Variants in LEF1 observed in about 807,000 individuals in gnomAD.
LEF1 encodes the protein lymphoid enhancer-binding factor 1.
LEF1 carries 14 observed loss-of-function variants against 51.2 expected under a neutral mutation model. That is an observed-to-expected ratio of 0.27 (90% CI 0.18 to 0.43). The LOEUF (loss-of-function observed/expected upper bound fraction) is 0.43. Ranked by LOEUF, LEF1 falls within the 20% of genes least tolerant of loss-of-function variation. The probability of loss-of-function intolerance (pLI) is 1.00; values close to 1 mark genes in which losing one functional copy is unlikely to be tolerated. For synonymous variants in LEF1, 185 were observed against 183.2 expected, an observed-to-expected ratio of 1.01 and a Z score of -0.08; for missense variants, 386 against 512.0, an observed-to-expected ratio of 0.75 and a Z score of 2.37.
chr4:108,051,737 C>T (rs1351808650), intron 11 of LEF1, among the ~76,000 whole-genome samples: 1 of 152,124 alleles, frequency 6.6e-6, no homozygotes, highest in Non-Finnish European at 1.5e-5. Flanking sequence ...CCCATATAAC[C>T]GAACCCCCCT....
At chr4:108,057,582 T>C (rs1411860112) in intron 11 of LEF1, among the ~76,000 whole-genome samples, 3 of 152,170 alleles carry the variant, frequency 2.0e-5, no homozygotes, top group African/African-American at 7.2e-5. Flanking sequence ...GTTGCAGTCC[T>C]CTCACTGGTG....
intron 6 of LEF1, among the ~76,000 whole-genome samples, 183 bp from the exon 7 acceptor site, chr4:108,079,797 G>GA (rs560790513): frequency 1.2e-4 from 18 of 146,502 alleles, no homozygotes; most frequent in Admixed American, 2.7e-4. Context: ...TATTCGGGTG[G>GA]AAAAAAAAAA....
At chr4:108,068,297 CAAA>C (rs1309296620) in intron 9 of LEF1, among the ~76,000 whole-genome samples, 1 of 151,638 alleles carries the variant, frequency 6.6e-6, no homozygotes, top group Non-Finnish European at 1.5e-5. Context: ...CAAAACAAAA[CAAA>C]AAGAAGGTAC....
intron 3 of LEF1, among the ~76,000 whole-genome samples, chr4:108,159,183 A>AT: frequency 6.6e-6 from 1 of 152,190 alleles, no homozygotes; most frequent in Non-Finnish European, 1.5e-5. Flanking sequence ...TGATGGGGGA[A>AT]TGGCAAGCGC....
At chr4:108,074,137 T>C (rs974579511) in intron 8 of LEF1, among the ~76,000 whole-genome samples, 10 of 152,186 alleles carry the variant, frequency 6.6e-5, no homozygotes, top group African/African-American at 2.2e-4. Context: ...AAGTTTTGCA[T>C]TGAAAACAAA....
At chr4:108,139,686 C>T (rs925099371) in intron 3 of LEF1, among the ~76,000 whole-genome samples, 1 of 152,132 alleles carries the variant, frequency 6.6e-6, no homozygotes, top group South Asian at 2.1e-4. Flanking sequence ...TGTGAGAGAC[C>T]TTTAGGGACG....
chr4:108,126,593 A>T (rs1188153151), intron 3 of LEF1, among the ~76,000 whole-genome samples: 1 of 152,006 alleles, frequency 6.6e-6, no homozygotes, highest in African/African-American at 2.4e-5. Context: ...ACTTGAGGAC[A>T]GGAGTTCGAG....
chr4:108,119,612 G>C (rs1442611374), intron 3 of LEF1, among the ~76,000 whole-genome samples: 1 of 152,142 alleles, frequency 6.6e-6, no homozygotes, highest in Non-Finnish European at 1.5e-5. Flanking sequence ...CCAGTTTCAG[G>C]ATGTGGCCTG....
intron 11 of LEF1, among the ~76,000 whole-genome samples, chr4:108,053,844 G>C (rs1737159814): frequency 6.6e-6 from 1 of 152,198 alleles, no homozygotes. Context: ...CAGCTGAAGT[G>C]CTTCCAGAGG....
At chr4:108,087,407 G>C (rs552550069) in intron 4 of LEF1, among the ~76,000 whole-genome samples, 107 of 151,880 alleles carry the variant, frequency 7.0e-4, no homozygotes, top group African/African-American at 2.6e-3. Flanking sequence ...GTCCCTTCTC[G>C]GTAGTTTTGG....
intron 2 of LEF1, among the ~76,000 whole-genome samples, chr4:108,163,945 T>C (rs72660443): frequency 0.016 from 2,465 of 152,336 alleles, 23 homozygotes; most frequent in African/African-American, 0.032. Context: ...CACTACTGAC[T>C]GATGTTTTTA....
chr4:108,142,677 A>T (rs1743744006), intron 3 of LEF1, among the ~76,000 whole-genome samples: 1 of 152,190 alleles, frequency 6.6e-6, no homozygotes, highest in Non-Finnish European at 1.5e-5. Context: ...AGTGTTACAT[A>T]TGTCCAGTAA....
In LEF1 at chr4:108,167,854, G is replaced by T; in HGVS notation, c.-87C>A. 1 of 1,220,636 alleles carries T rather than the reference G, an allele frequency of 8.2e-7. No individual in the cohort carries two copies. 75.6% of individuals were successfully genotyped at this position (1,220,636 alleles called of 1,614,324 possible). On this transcript the variant is annotated 5_prime_UTR_variant, in exon 1 of 12. Transcript: ENST00000265165. This position sits in a 1 kb window ranked among gnomAD's most constrained non-coding sequence, Gnocchi z 5.7. The stretch of plus-strand genomic sequence containing the variant: ...GAGGGGTAACTCAAGGGTGGGGGAG[G>T]AAAGGAGAGTTGGAAGGGTTCGTGC...
At position 108,083,230 on chromosome 4, in the gene LEF1, T is replaced by C. The variant is rs182748910; in HGVS notation, c.638+126A>G. 376 of 730,340 alleles carry C rather than the reference T, an allele frequency of 5.1e-4. 1 individual carries two copies. In the African/African-American group the frequency reaches 5.6e-3, roughly 11 times the overall value. 45.2% of individuals were successfully genotyped at this position (730,340 alleles called of 1,614,324 possible). On this transcript the variant is annotated intron_variant, in intron 5 of 11. Coordinates refer to ENST00000265165, the MANE Select transcript of LEF1 (RefSeq NM_016269.5). ...AATTGAAATGAATAAAGTTAGCACC[T>C]TGCTTGTTGATGTGAAATTTCTTCA... is the stretch of plus-strand genomic sequence containing the variant.
chr4:108,149,964 A>G (rs993614518), intron 3 of LEF1, among the ~76,000 whole-genome samples: 2 of 152,006 alleles, frequency 1.3e-5, no homozygotes, highest in African/African-American at 4.8e-5. Context: ...ACCAAAAAAA[A>G]AAAAAGATAT....
At chr4:108,156,733 A>G (rs920301797) in intron 3 of LEF1, among the ~76,000 whole-genome samples, 7 of 152,152 alleles carry the variant, frequency 4.6e-5, no homozygotes, top group East Asian at 1.9e-4. Flanking sequence ...GGTTTCCAGG[A>G]TTAAAAAAGA....
intron 11 of LEF1, among the ~76,000 whole-genome samples, chr4:108,061,074 C>T (rs1278552893): frequency 1.3e-5 from 2 of 152,148 alleles, no homozygotes; most frequent in African/African-American, 4.8e-5. Context: ...GGTCTCCAAA[C>T]TCGGATGGTG....
At chr4:108,091,868 T>C (rs1193710740) in intron 3 of LEF1, among the ~76,000 whole-genome samples, 4 of 152,196 alleles carry the variant, frequency 2.6e-5, no homozygotes, top group African/African-American at 9.6e-5. Flanking sequence ...AATCGATAGA[T>C]TTCAAATATA....
Position 108,048,047 on chromosome 4 carries a change from G to C in LEF1, c.*711C>G, listed in dbSNP as rs1473646870. 1 of 152,508 alleles carries C rather than the reference G, an allele frequency of 6.6e-6. No individual in the cohort carries two copies. The highest frequency in any genetic ancestry group is 1.5e-5 in the Non-Finnish European group (1 of 68,034). The allele number at this position is 152,508 out of a possible 1,614,324, so 9.4% of individuals were successfully genotyped here. A position where few individuals can be genotyped will look rare whatever the true frequency, so the allele number is the denominator to read the frequency against. On this transcript the variant is annotated 3_prime_UTR_variant, in exon 12 of 12. Coordinates refer to ENST00000265165, the MANE Select transcript of LEF1 (RefSeq NM_016269.5). ...CACAGAGAAGCCACTTACCAGACAA[G>C]CTGTCTCAGAAAAAGAAGGCTTCTT...
Sources: allele counts gnomAD v4.1 joint callset (sites outside exome capture counted in the v4.1 genomes callset), GRCh38; gene constraint gnomAD v4.1.1; non-coding constraint Gnocchi (gnomAD v3.1); transcripts MANE v1.5; gene names NCBI Gene and HGNC (gene_info 2026-07-23, HGNC 2026-07-21).